Variants in TBX1 observed in about 807,000 individuals in gnomAD.
TBX1 encodes the protein T-box transcription factor 1, also known as T-box transcription factor TBX1.
A neutral mutation model predicts 40.8 loss-of-function variants in TBX1; 16 were observed. The observed-to-expected ratio is 0.39, with a 90% CI of 0.27 to 0.60. TBX1 has a LOEUF of 0.60. TBX1 is among the 20% of genes least tolerant of loss of function. TBX1 has a pLI of 0.51. For synonymous variants in TBX1, 403 were observed against 336.8 expected, an observed-to-expected ratio of 1.20 and a Z score of -2.15; for missense variants, 755 against 728.5, an observed-to-expected ratio of 1.04 and a Z score of -0.42.
downstream of TBX1, chr22:19,779,555 C>T (rs1937118385): frequency 1.0e-5 from 15 of 1,485,136 alleles, no homozygotes; most frequent in East Asian, 2.5e-5. Context: ...AATACTTCTC[C>T]ATAGAGTCAC....
downstream of TBX1, among the ~76,000 whole-genome samples, chr22:19,769,436 A>G (rs1388961965): frequency 3.3e-5 from 5 of 152,110 alleles, no homozygotes; most frequent in African/African-American, 7.2e-5. Context: ...ACCTTTGTAG[A>G]TGAGTTTGTG....
rs764051702 is a variant in TBX1, at chr22:19,779,350, AC to A, written c.1143del (p.Phe382SerfsTer20). Reference sequence around the variant, plus strand: ...GGCTCCCCTGCCCCGCAGAGTGCCAACCCTTCAATACCCAGGGCCTGGTGGC... The same window carrying A: ...GGCTCCCCTGCCCCGCAGAGTGCCAACCTTCAATACCCAGGGCCTGGTGGC... On this transcript the variant is annotated frameshift_variant, in exon 9 of 9. Transcript: ENST00000329705. LOFTEE classifies it low-confidence loss of function (END_TRUNC). The A allele has an allele frequency of 1.7e-5, 28 of 1,614,004 alleles. No homozygotes were observed. In the African/African-American group the frequency reaches 3.5e-4, roughly 20 times the overall value.
intron 2 of TBX1, chr22:19,763,852 G>A (rs1442770028): frequency 3.4e-5 from 18 of 521,960 alleles, no homozygotes; most frequent in East Asian, 1.3e-4. Flanking sequence ...GGCTCCCACC[G>A]CAGCGGCACC....
chr22:19,765,710 C>T (rs201448674), intron 4 of TBX1, 48 bp from the exon 5 acceptor site: 7 of 1,605,978 alleles, frequency 4.4e-6, no homozygotes, highest in African/African-American at 4.0e-5. Flanking sequence ...GGTCGGGTGG[C>T]CCAGGCTGCA....
chr22:19,770,855 G>A (rs907766052), downstream of TBX1, among the ~76,000 whole-genome samples: 4 of 152,314 alleles, frequency 2.6e-5, no homozygotes, highest in East Asian at 1.9e-4. Flanking sequence ...CTTCTAGGAC[G>A]AAAGGGATGG....
chr22:19,761,028 G>GCGCCGCCGC lies in TBX1; in HGVS notation c.190_198dup (p.Ala64_Ala66dup), dbSNP rs1032291296. On this transcript the variant is annotated inframe_insertion, in exon 1 of 7. Coordinates refer to ENST00000649276, the MANE Select transcript of TBX1 (RefSeq NM_001379200.1). Reference sequence around the variant, plus strand: ...CCGCCGCCGCCGCGCTACGACCCGTGCGCCGCCGCCGCCCCCGGCGCCCCG... The same window carrying GCGCCGCCGC: ...CCGCCGCCGCCGCGCTACGACCCGTGCGCCGCCGCCGCCGCCGCCGCCCCCGGCGCCCCG... 13 of 898,626 alleles carry GCGCCGCCGC rather than the reference G, an allele frequency of 1.4e-5. No homozygotes were observed. The highest frequency in any genetic ancestry group is 5.6e-4 in the Middle Eastern group (1 of 1,796). 55.7% of individuals were successfully genotyped at this position (898,626 alleles called of 1,614,324 possible). A position where few individuals can be genotyped will look rare whatever the true frequency, so the allele number is the denominator to read the frequency against.
exon 9 of TBX1, chr22:19,779,311 C>T (rs755388851): frequency 6.2e-7 from 1 of 1,614,236 alleles, no homozygotes; most frequent in South Asian, 1.1e-5. Flanking sequence ...ATGCAGGTGG[C>T]TGTGTGAACC....
rs1215226772 is a variant in TBX1 at position 19,772,598 on chromosome 22, G to C, written c.1009+6596G>C. 2.0e-5 allele frequency among the ~76,000 whole-genome samples: 3 copies of C among 152,166 alleles called. No homozygotes were observed. The East Asian group carries it at 5.8e-4, about 29-fold the overall frequency. On this transcript the variant is annotated intron_variant, in intron 8 of 8. Coordinates refer to the TBX1 transcript ENST00000329705. Reference sequence around the variant, plus strand: ...CCCAAATTGCTGGCATTACAAGCGTGAGCCACCGTGCCCAGCCCTCTTCTC... The same window carrying C: ...CCCAAATTGCTGGCATTACAAGCGTCAGCCACCGTGCCCAGCCCTCTTCTC...
In TBX1 at chr22:19,767,115, G is replaced by A; in HGVS notation, c.*248G>A. 8.0e-7 allele frequency: 1 copy of A among 1,249,796 alleles called. No individual in the cohort carries two copies. The highest frequency in any genetic ancestry group is 1.0e-6 in the Non-Finnish European group (1 of 998,762). 77.4% of individuals were successfully genotyped at this position (1,249,796 alleles called of 1,614,324 possible). On this transcript the variant is annotated 3_prime_UTR_variant, in exon 7 of 7. Transcript: ENST00000649276. ...TCCTTCCCCGGCCCCGAGGGCCAAG[G>A]GGGTCCCCGCCCGCCAGTGCCAAAG...
At chr22:19,778,416 TTTTC>T (rs1009487421) in intron 8 of TBX1, among the ~76,000 whole-genome samples, 4 of 150,682 alleles carry the variant, frequency 2.7e-5, no homozygotes, top group African/African-American at 7.3e-5. Flanking sequence ...TCCTTATTTC[TTTTC>T]TTTCTTTCTT....
downstream of TBX1, among the ~76,000 whole-genome samples, chr22:19,768,703 T>G (rs1391726224): frequency 6.6e-6 from 1 of 152,152 alleles, no homozygotes; most frequent in Non-Finnish European, 1.5e-5. Context: ...ATCCAGGATG[T>G]GCGGAGGGGC....
chr22:19,771,918 C>T (rs566956954), downstream of TBX1, among the ~76,000 whole-genome samples: 1 of 152,354 alleles, frequency 6.6e-6, no homozygotes, highest in East Asian at 1.9e-4. Context: ...CAGCATGTTG[C>T]TCTGGGTGAC....
At position 19,764,191 on chromosome 22, in the gene TBX1, G is replaced by A. The variant is rs769418078; in HGVS notation, c.576G>A (p.Gly192=). 3 of 1,612,808 alleles carry A rather than the reference G, an allele frequency of 1.9e-6. No individual in the cohort carries two copies. The highest frequency in any genetic ancestry group is 2.2e-5 in the East Asian group (1 of 44,874). The change falls in exon 3 of 7, where the codon GGG becomes GGA. Residue 192 remains glycine, a synonymous_variant. Coordinates refer to ENST00000649276, the MANE Select transcript of TBX1 (RefSeq NM_001379200.1). The part of the protein sequence containing the change: ...AFHSSSWLVA[G]KADPATPGRV... ...ACAGCTCCTCCTGGCTGGTGGCGGG[G>A]AAGGCCGACCCTGCCACGCCAGGCC...
chr22:19,765,066 T>C lies in TBX1; in HGVS notation c.820T>C (p.Phe274Leu), dbSNP rs775979935. The C allele has an allele frequency of 6.2e-7, 1 of 1,614,242 alleles. No homozygotes were observed. The highest frequency in any genetic ancestry group is 2.2e-5 in the East Asian group (1 of 44,892). Residue 274 changes from phenylalanine (F) to leucine (L), a missense_variant, in exon 4 of 7, where the codon TTC (phenylalanine) becomes CTC (leucine). Phe to Leu is a conservative substitution (Grantham distance 22). This residue lies in a region of TBX1 where 144 missense variants were observed against 238.0 expected (regional missense o/e 0.61). Coordinates refer to ENST00000649276, the MANE Select transcript of TBX1 (RefSeq NM_001379200.1). Reference sequence around the variant, plus strand: ...CGAGGAGAACTTCAAAACCTTTGTGTTCGAGGAGACACGATTCACCGCGGT... The same window carrying C: ...CGAGGAGAACTTCAAAACCTTTGTGCTCGAGGAGACACGATTCACCGCGGT... ...YAEENFKTFV[F>L]EETRFTAVTA...
chr22:19,772,267 T>C (rs750134137), downstream of TBX1, among the ~76,000 whole-genome samples: 1 of 152,076 alleles, frequency 6.6e-6, no homozygotes, highest in Non-Finnish European at 1.5e-5. Flanking sequence ...CACGCCCGGC[T>C]AATTTTTGTC....
intron 6 of TBX1, 155 bp from the exon 7 acceptor site, chr22:19,766,232 GGC>G: frequency 9.0e-7 from 1 of 1,105,654 alleles, no homozygotes. Flanking sequence ...GAGGGCTCGG[GGC>G]GCCGGCGACT....
chr22:19,772,092 C>A (rs1936998882), downstream of TBX1, among the ~76,000 whole-genome samples: 1 of 152,210 alleles, frequency 6.6e-6, no homozygotes, highest in East Asian at 1.9e-4. Flanking sequence ...AGCTTCAGTT[C>A]CTCTCAACAG....
At chr22:19,780,776 G>T (rs12168076), downstream of TBX1, among the ~76,000 whole-genome samples, 95 of 119,062 alleles carry the variant, frequency 8.0e-4, no homozygotes, top group African/African-American at 1.8e-3. Context: ...CTTGTTTTCT[G>T]TTTTTTTTTT....
chr22:19,761,446 C>A (rs1161062744), intron 1 of TBX1, among the ~76,000 whole-genome samples, 166 bp downstream of exon 1: 1 of 151,740 alleles, frequency 6.6e-6, no homozygotes, highest in Non-Finnish European at 1.5e-5. Flanking sequence ...TTCGCCGTCC[C>A]GGCTCCGGCG....
Sources: allele counts gnomAD v4.1 joint callset (sites outside exome capture counted in the v4.1 genomes callset), GRCh38; gene constraint gnomAD v4.1.1; regional missense constraint gnomAD v4.1.1; transcripts MANE v1.5; gene names NCBI Gene and HGNC (gene_info 2026-07-23, HGNC 2026-07-21).